Variants in CAMTA1 observed in about 807,000 individuals in gnomAD.
CAMTA1 encodes calmodulin binding transcription activator 1, also known as calmodulin-binding transcription activator 1.
Under a neutral mutation model 170.9 loss-of-function variants are expected in CAMTA1, and 27 were observed. That is an observed-to-expected ratio of 0.16 (90% CI 0.12 to 0.22). The LOEUF (loss-of-function observed/expected upper bound fraction) is 0.22. CAMTA1 is among the 10% of genes least tolerant of loss of function. The pLI is 1.00. For missense variants in CAMTA1, 1,619 were observed against 2,217.2 expected, an observed-to-expected ratio of 0.73 and a Z score of 5.42; for synonymous variants, 833 against 891.5, an observed-to-expected ratio of 0.93 and a Z score of 1.17.
intron 4 of CAMTA1, among the ~76,000 whole-genome samples, chr1:7,110,132 C>T (rs1643924945): frequency 6.6e-6 from 1 of 152,102 alleles, no homozygotes; most frequent in Non-Finnish European, 1.5e-5. Flanking sequence ...CAGGTGATGG[C>T]TTAATTTGCT....
chr1:7,194,414 ATATT>A (rs568404605), intron 4 of CAMTA1, among the ~76,000 whole-genome samples: 480 of 152,290 alleles, frequency 3.2e-3, no homozygotes, highest in African/African-American at 0.011. Flanking sequence ...CTATATTTAA[ATATT>A]TATACGTGAA....
chr1:6,998,958 T>C (rs974686553), intron 3 of CAMTA1, among the ~76,000 whole-genome samples: 10 of 152,256 alleles, frequency 6.6e-5, no homozygotes, highest in Non-Finnish European at 1.3e-4. Flanking sequence ...TAAACTTTTT[T>C]TAGTGCACAG....
chr1:7,616,983 C>T (rs1269832376), intron 6 of CAMTA1, among the ~76,000 whole-genome samples: 3 of 152,308 alleles, frequency 2.0e-5, no homozygotes, highest in East Asian at 1.9e-4. Flanking sequence ...AGGTGTCACC[C>T]GCAGGGAAGT....
chr1:7,092,280 C>T lies in CAMTA1; in HGVS notation c.302+909C>T, dbSNP rs12031501. Among the ~76,000 whole-genome samples the T allele has an allele frequency of 0.25, 37,506 of 152,046 alleles. 4,795 individuals carry two copies. The highest frequency in any genetic ancestry group is 0.32 in the East Asian group (1,650 of 5,168). ...CCAGAGTCCCCAGGTTTGTTAGGAC[C>T]AGGGAAGGGTTGAGTGTGTCCTCTG... On this transcript the variant is annotated intron_variant, in intron 4 of 22. Transcript: ENST00000303635. The surrounding 1 kb of genome is among the most constrained non-coding windows in gnomAD (Gnocchi z 5.0).
At chr1:6,994,048 T>C (rs558586835) in intron 3 of CAMTA1, among the ~76,000 whole-genome samples, 1 of 152,310 alleles carries the variant, frequency 6.6e-6, no homozygotes, top group African/African-American at 2.4e-5. Flanking sequence ...ACAATCTACA[T>C]GTAGTTAATA....
At chr1:7,537,519 G>A (rs1418117391) in intron 6 of CAMTA1, among the ~76,000 whole-genome samples, 1 of 152,208 alleles carries the variant, frequency 6.6e-6, no homozygotes, top group Non-Finnish European at 1.5e-5. Context: ...CTGACTCTCA[G>A]GCTGCCACCA....
chr1:7,098,413 A>C (rs1198561723), intron 4 of CAMTA1, among the ~76,000 whole-genome samples: 1 of 152,250 alleles, frequency 6.6e-6, no homozygotes, highest in African/African-American at 2.4e-5. Flanking sequence ...GCCAAAGGGC[A>C]ACTGCAGGGT....
intron 22 of CAMTA1, among the ~76,000 whole-genome samples, chr1:7,758,129 A>G (rs1290062130): frequency 6.6e-6 from 1 of 152,212 alleles, no homozygotes; most frequent in Non-Finnish European, 1.5e-5. Context: ...AGTATCATGC[A>G]TGTTATATGC....
rs765139922 is a variant in CAMTA1, at chr1:6,995,295, C to CTTTTTTTTTTTTTTTTT, written c.235-96001_235-95985dup. On this transcript the variant is annotated intron_variant, in intron 3 of 22. Transcript: ENST00000303635. ...TCCTTTAAAATCTTTTTTTTCTTTT[C>CTTTTTTTTTTTTTTTTT]TTTTTTTTTTTTTTTTTTTTTTTTG... Among the ~76,000 whole-genome samples the CTTTTTTTTTTTTTTTTT allele has an allele frequency of 5.8e-3, 350 of 60,614 alleles. 44 individuals carry two copies. The highest frequency in any genetic ancestry group is 7.4e-3 in the Admixed American group (29 of 3,924). 39.8% of individuals were successfully genotyped at this position (60,614 alleles called of 152,430 possible).
chr1:7,594,200 GGGAAGGAAGGAAGGAAGGAAGGAAGGAA>G (rs56904420), intron 6 of CAMTA1, among the ~76,000 whole-genome samples: 1 of 113,670 alleles, frequency 8.8e-6, no homozygotes, highest in Non-Finnish European at 1.8e-5. Flanking sequence ...AAGGAGGGAG[GGGAAGGAAGGAAGGAAGGAAGGAAGGAA>G]GGAAGGAAGG....
At chr1:7,411,410 GGC>G (rs1239026905) in intron 5 of CAMTA1, among the ~76,000 whole-genome samples, 9 of 150,630 alleles carry the variant, frequency 6.0e-5, no homozygotes, top group East Asian at 2.0e-4. Context: ...GTGGTGACAC[GGC>G]CCTGTAATCC....
At chr1:7,720,187 T>A (rs775014111) in intron 11 of CAMTA1, among the ~76,000 whole-genome samples, 1 of 145,000 alleles carries the variant, frequency 6.9e-6, no homozygotes, top group Non-Finnish European at 1.6e-5. Context: ...AAGTGTTCCT[T>A]TTGTTTAACC....
At chr1:7,436,443 AC>A (rs2092350276) in intron 5 of CAMTA1, among the ~76,000 whole-genome samples, 1 of 152,134 alleles carries the variant, frequency 6.6e-6, no homozygotes. Flanking sequence ...AGCACTAAGC[AC>A]CTGGAGGGGT....
At chr1:7,466,058 T>C (rs2093203700) in intron 5 of CAMTA1, among the ~76,000 whole-genome samples, 1 of 152,202 alleles carries the variant, frequency 6.6e-6, no homozygotes, top group Non-Finnish European at 1.5e-5. Context: ...GTCAAAGTAA[T>C]GAACCTGCCT....
intron 7 of CAMTA1, 114 bp downstream of exon 7, chr1:7,640,667 T>C (rs1384664063): frequency 2.6e-5 from 32 of 1,240,954 alleles, no homozygotes; most frequent in Non-Finnish European, 3.7e-5. Context: ...GAGCCCCATC[T>C]TGCTGGAATG....
At chr1:7,005,625 C>T (rs1321129634) in intron 3 of CAMTA1, among the ~76,000 whole-genome samples, 1 of 152,058 alleles carries the variant, frequency 6.6e-6, no homozygotes, top group Admixed American at 6.5e-5. Context: ...AATATCTAGG[C>T]AATGACAAAA....
chr1:6,891,948 G>A lies in CAMTA1; in HGVS notation c.234+66738G>A, dbSNP rs148592968. On this transcript the variant is annotated intron_variant, in intron 3 of 22. Coordinates refer to ENST00000303635, the MANE Select transcript of CAMTA1 (RefSeq NM_015215.4). ...ACCTGAATGTTGTAAGGGAGGCCAA[G>A]GAGTGGCCTGGTGAGACTGCACAGC... Among the ~76,000 whole-genome samples, 201 of 152,288 alleles carry A rather than the reference G, an allele frequency of 1.3e-3. 1 individual carries two copies. Among genetic ancestry groups the A allele is most frequent in the Non-Finnish European group, 1.8e-3 (122 of 68,026 alleles).
intron 4 of CAMTA1, among the ~76,000 whole-genome samples, chr1:7,103,824 G>T (rs887603346): frequency 2.1e-5 from 2 of 94,192 alleles, no homozygotes; most frequent in African/African-American, 1.3e-4. Flanking sequence ...CTACACACAT[G>T]CACACACAAC....
intron 6 of CAMTA1, among the ~76,000 whole-genome samples, chr1:7,474,293 T>C (rs1426978267): frequency 7.3e-6 from 1 of 136,980 alleles, no homozygotes; most frequent in East Asian, 2.1e-4. Flanking sequence ...ATCCATAAAA[T>C]GGAGCCAACA....
Sources: allele counts gnomAD v4.1 joint callset (sites outside exome capture counted in the v4.1 genomes callset), GRCh38; gene constraint gnomAD v4.1.1; non-coding constraint Gnocchi (gnomAD v3.1); transcripts MANE v1.5; gene names NCBI Gene and HGNC (gene_info 2026-07-23, HGNC 2026-07-21).